Variants in SIK3 observed in about 807,000 individuals in gnomAD.
SIK3 encodes the protein SIK family kinase 3.
A neutral mutation model predicts 144.2 loss-of-function variants in SIK3; 28 were observed. That is an observed-to-expected ratio of 0.19 (90% CI 0.14 to 0.27). The LOEUF is 0.27. Ranked by LOEUF, SIK3 falls within the 10% of genes least tolerant of loss-of-function variation. SIK3 has a pLI of 1.00. For missense variants in SIK3, 1,319 were observed against 1,776.0 expected (o/e 0.74, Z 4.62); for synonymous variants, 686 against 676.3 (o/e 1.01, Z -0.22).
intron 1 of SIK3, among the ~76,000 whole-genome samples, chr11:117,045,213 GA>G (rs1307811099): frequency 2.0e-5 from 3 of 152,134 alleles, no homozygotes; most frequent in African/African-American, 7.2e-5. Context: ...TTAGTGACGG[GA>G]AAAACCTCTG....
chr11:116,977,440 C>T (rs1949987605), intron 1 of SIK3, among the ~76,000 whole-genome samples: 1 of 152,048 alleles, frequency 6.6e-6, no homozygotes, highest in Non-Finnish European at 1.5e-5. Context: ...AGTTCTGGCC[C>T]TCGCCTCCCA....
chr11:116,918,756 CTG>C (rs1457004476), intron 4 of SIK3, among the ~76,000 whole-genome samples: 1 of 152,100 alleles, frequency 6.6e-6, no homozygotes, highest in Non-Finnish European at 1.5e-5. Context: ...AACGTTTTTT[CTG>C]TGTTAAACTA....
At chr11:117,033,525 C>A (rs1342783492) in intron 1 of SIK3, among the ~76,000 whole-genome samples, 1 of 151,946 alleles carries the variant, frequency 6.6e-6, no homozygotes, top group East Asian at 1.9e-4. Flanking sequence ...CTCAGTGAAA[C>A]CTCGTCTCTA....
intron 19 of SIK3, among the ~76,000 whole-genome samples, chr11:116,859,848 C>A (rs1428996860): frequency 1.3e-5 from 2 of 152,200 alleles, no homozygotes; most frequent in African/African-American, 4.8e-5. Context: ...GTGTTTCCAA[C>A]AAGTTCCCTT....
At chr11:117,091,102 C>A (rs987298226) in intron 1 of SIK3, among the ~76,000 whole-genome samples, 1 of 150,984 alleles carries the variant, frequency 6.6e-6, no homozygotes, top group Non-Finnish European at 1.5e-5. Context: ...TATAAGACTC[C>A]GGGAAAATGG....
At chr11:116,990,842 C>T (rs1042219303) in intron 1 of SIK3, among the ~76,000 whole-genome samples, 1 of 152,220 alleles carries the variant, frequency 6.6e-6, no homozygotes, top group Non-Finnish European at 1.5e-5. Context: ...ATCTACTTAA[C>T]AAGGTCTCCT....
At chr11:116,901,667 AC>A (rs1945746375) in intron 4 of SIK3, among the ~76,000 whole-genome samples, 2 of 151,852 alleles carry the variant, frequency 1.3e-5, no homozygotes, top group South Asian at 2.1e-4. Context: ...CTCCTGAAAA[AC>A]ATCCTCTCTT....
At chr11:117,086,647 C>T (rs1234053209) in intron 1 of SIK3, among the ~76,000 whole-genome samples, 5 of 150,780 alleles carry the variant, frequency 3.3e-5, no homozygotes, top group Admixed American at 6.6e-5. Context: ...GCAGAGACTG[C>T]GCCACTGCAC....
At chr11:117,077,005 C>T (rs1209580640) in intron 1 of SIK3, among the ~76,000 whole-genome samples, 1 of 152,058 alleles carries the variant, frequency 6.6e-6, no homozygotes, top group Non-Finnish European at 1.5e-5. Flanking sequence ...AAAATAAAAC[C>T]ACTAGCCAAG....
At chr11:116,929,852 A>G (rs1370048871) in intron 3 of SIK3, among the ~76,000 whole-genome samples, 1 of 152,226 alleles carries the variant, frequency 6.6e-6, no homozygotes, top group Non-Finnish European at 1.5e-5. Context: ...TCAATAGAGC[A>G]CAAAGTCCTT....
chr11:116,898,630 G>A (rs1384718514), intron 4 of SIK3, among the ~76,000 whole-genome samples: 13 of 144,856 alleles, frequency 9.0e-5, no homozygotes, highest in South Asian at 4.4e-4. Context: ...ATCCTCTCCA[G>A]CACCTGTTGT....
At chr11:117,039,478 G>A (rs1003564377) in intron 1 of SIK3, among the ~76,000 whole-genome samples, 1 of 152,158 alleles carries the variant, frequency 6.6e-6, no homozygotes, top group African/African-American at 2.4e-5. Flanking sequence ...ACTAATGTAT[G>A]ATGTTTGCAG....
At chr11:116,893,184 A>C (rs1945219620) in intron 6 of SIK3, among the ~76,000 whole-genome samples, 1 of 152,220 alleles carries the variant, frequency 6.6e-6, no homozygotes, top group Non-Finnish European at 1.5e-5. Flanking sequence ...ACTGAGAGAA[A>C]ACCCAAATGT....
chr11:116,970,506 T>C (rs1168727992), intron 1 of SIK3, among the ~76,000 whole-genome samples: 1 of 152,184 alleles, frequency 6.6e-6, no homozygotes, highest in Non-Finnish European at 1.5e-5. Flanking sequence ...TTATTTTCTC[T>C]TATCTGTTTA....
At chr11:116,911,840 A>C (rs912611121) in intron 4 of SIK3, among the ~76,000 whole-genome samples, 1 of 152,352 alleles carries the variant, frequency 6.6e-6, no homozygotes, top group Non-Finnish European at 1.5e-5. Flanking sequence ...AAAATACTTG[A>C]TATCCCTTAC....
At chr11:117,025,251 C>G (rs1227993912) in intron 1 of SIK3, among the ~76,000 whole-genome samples, 1 of 152,102 alleles carries the variant, frequency 6.6e-6, no homozygotes, top group African/African-American at 2.4e-5. Flanking sequence ...AATCACTGAT[C>G]CGGTCCAACC....
intron 1 of SIK3, among the ~76,000 whole-genome samples, chr11:116,969,399 T>C (rs1039144879): frequency 2.0e-5 from 3 of 151,532 alleles, no homozygotes; most frequent in Non-Finnish European, 4.4e-5. Flanking sequence ...ATGAGATTTA[T>C]GAGATGAGAA....
intron 3 of SIK3, among the ~76,000 whole-genome samples, chr11:116,951,265 T>C (rs1479344890): frequency 3.9e-5 from 6 of 152,156 alleles, no homozygotes. Context: ...TTTCATCTTT[T>C]TTACACAGAC....
At chr11:116,972,320 G>C (rs1297944132) in intron 1 of SIK3, among the ~76,000 whole-genome samples, 3 of 152,118 alleles carry the variant, frequency 2.0e-5, no homozygotes, top group African/African-American at 4.8e-5. Context: ...CTTCTCAAAA[G>C]TAGATTTTAT....
Sources: gnomAD v4.1 joint callset for allele counts (sites outside exome capture counted in the v4.1 genomes callset) on GRCh38, gnomAD v4.1.1 for gene constraint, MANE v1.5 for transcripts, NCBI Gene and HGNC (gene_info 2026-07-23, HGNC 2026-07-21) for gene names.